SLC20A2: variants seen among roughly 807,000 people sequenced by gnomAD.
The protein encoded by SLC20A2 is sodium-dependent phosphate transporter 2.
In SLC20A2, 30 loss-of-function variants were observed where a neutral mutation model predicts 61.0. The observed-to-expected ratio is 0.49, with a 90% CI of 0.37 to 0.67. The LOEUF (loss-of-function observed/expected upper bound fraction) is 0.67, where lower values mean the gene tolerates loss of function less well. SLC20A2 is among the 30% of genes least tolerant of loss of function. SLC20A2 has a pLI of 0.00. For missense variants in SLC20A2, 626 were observed against 866.4 expected, an observed-to-expected ratio of 0.72 and a Z score of 3.48; for synonymous variants, 351 against 353.3, an observed-to-expected ratio of 0.99 and a Z score of 0.07.
In SLC20A2 at chr8:42,478,208, T is replaced by C. The variant is rs553493816; in HGVS notation, c.-264-5554A>G. Among the ~76,000 whole-genome samples, 130 of 132,956 alleles carry C rather than the reference T, an allele frequency of 9.8e-4. No homozygotes were observed. The South Asian group carries it at 0.012, about 12-fold the overall frequency. 87.2% of individuals were successfully genotyped at this position (132,956 alleles called of 152,430 possible). On this transcript the variant is annotated intron_variant, in intron 1 of 10. Transcript: ENST00000520262. ...CAATTGGCAATTTCTTTTCTTTTCCTTTTCTTTTTTTTTTTTTTTTTGAGA... is the reference window on the plus strand; with the variant it reads ...CAATTGGCAATTTCTTTTCTTTTCCCTTTCTTTTTTTTTTTTTTTTTGAGA...
chr8:42,431,474 T>C (rs1218120459), intron 8 of SLC20A2, among the ~76,000 whole-genome samples: 1 of 152,220 alleles, frequency 6.6e-6, no homozygotes, highest in Non-Finnish European at 1.5e-5. Flanking sequence ...GCCATCCTCA[T>C]AGCATAAAAG....
At chr8:42,490,089 T>C (rs1563518055) in intron 1 of SLC20A2, among the ~76,000 whole-genome samples, 1 of 152,208 alleles carries the variant, frequency 6.6e-6, no homozygotes, top group Non-Finnish European at 1.5e-5. Context: ...CTTGAGTTCT[T>C]AGAAGTTCAC....
At chr8:42,470,973 CAAAA>C (rs200440771) in intron 2 of SLC20A2, 888 of 237,236 alleles carry the variant, frequency 3.7e-3, no homozygotes, top group East Asian at 5.0e-3. Flanking sequence ...GACTCTGTCT[CAAAA>C]AAAAAAAAAA....
chr8:42,454,649 C>T (rs1285021582), intron 5 of SLC20A2, among the ~76,000 whole-genome samples: 9 of 150,922 alleles, frequency 6.0e-5, no homozygotes, highest in Admixed American at 2.0e-4. Flanking sequence ...GACAGGGCCT[C>T]GCTTTGTCAT....
chr8:42,463,110 ATCT>A lies in SLC20A2; in HGVS notation c.431-23_431-21del. ...AAGCAACTGAATAATTAAAAAAAAA[ATCT>A]AATGAATGTTAAAATTCATTCATAA... On this transcript the variant is annotated intron_variant, in intron 3 of 10. Transcript: ENST00000520262. 2.2e-6 allele frequency: 3 copies of A among 1,381,228 alleles called. No individual in the cohort carries two copies. The highest frequency in any genetic ancestry group is 3.0e-6 in the Non-Finnish European group (3 of 993,266). 85.6% of individuals were successfully genotyped at this position (1,381,228 alleles called of 1,614,324 possible).
intron 5 of SLC20A2, among the ~76,000 whole-genome samples, chr8:42,455,887 G>A (rs1046713554): frequency 2.6e-5 from 4 of 152,076 alleles, no homozygotes; most frequent in African/African-American, 9.7e-5. Flanking sequence ...GTAAAATGAG[G>A]TTATTTGTAT....
Position 42,465,051 on chromosome 8 carries a change from C to T in SLC20A2, c.430+726G>A, listed in dbSNP as rs916391642. Among the ~76,000 whole-genome samples, 2 of 151,998 alleles carry T rather than the reference C, an allele frequency of 1.3e-5. 1 individual carries two copies. The highest frequency in any genetic ancestry group is 2.9e-5 in the Non-Finnish European group (2 of 67,984). The stretch of plus-strand genomic sequence containing the variant: ...AGGAATTTTAAGGGAAAATATATTA[C>T]TCATACCATCTACGTCTTTTTTTTG... On this transcript the variant is annotated intron_variant, in intron 3 of 10. Coordinates refer to ENST00000520262, the MANE Select transcript of SLC20A2 (RefSeq NM_001257180.2).
intron 1 of SLC20A2, among the ~76,000 whole-genome samples, chr8:42,489,166 T>C (rs934518066): frequency 6.6e-6 from 1 of 152,144 alleles, no homozygotes; most frequent in African/African-American, 2.4e-5. Flanking sequence ...CTCGAACTCC[T>C]GACTTCGGGT....
intron 5 of SLC20A2, among the ~76,000 whole-genome samples, chr8:42,452,462 GAGA>G (rs1424143458): frequency 1.3e-5 from 2 of 148,746 alleles, no homozygotes; most frequent in Admixed American, 6.7e-5. Context: ...GGAAGAGATG[GAGA>G]AGGAGGAAGG....
At chr8:42,526,054 A>T (rs1274550877) in intron 1 of SLC20A2, among the ~76,000 whole-genome samples, 1 of 152,230 alleles carries the variant, frequency 6.6e-6, no homozygotes, top group Non-Finnish European at 1.5e-5. Context: ...CCACTCCTGA[A>T]GCGTGGGCTG....
chr8:42,445,954 A>C (rs1031341419), intron 5 of SLC20A2, among the ~76,000 whole-genome samples: 1 of 152,124 alleles, frequency 6.6e-6, no homozygotes, highest in Non-Finnish European at 1.5e-5. Context: ...GAGAAATAAA[A>C]GGATTTTTGT....
chr8:42,445,897 C>T (rs572851172), intron 5 of SLC20A2, among the ~76,000 whole-genome samples: 10 of 152,230 alleles, frequency 6.6e-5, no homozygotes, highest in East Asian at 1.9e-4. Flanking sequence ...CTACTTTAAA[C>T]GGACATGTGC....
At position 42,455,358 on chromosome 8, in the gene SLC20A2, G is replaced by A. The variant is rs142266159; in HGVS notation, c.613+4538C>T. Among the ~76,000 whole-genome samples the A allele has an allele frequency of 1.8e-4, 26 of 146,328 alleles. No homozygotes were observed. The East Asian group carries it at 3.2e-3, about 18-fold the overall frequency. ...CATTTTAAAGAGAGTTAAGAGAAGA[G>A]AAATAATTTGTTAAGGTTGAGGCTG... is the stretch of plus-strand genomic sequence containing the variant. On this transcript the variant is annotated intron_variant, in intron 5 of 10. Transcript: ENST00000520262.
At chr8:42,518,161 C>T (rs1354838142) in intron 1 of SLC20A2, among the ~76,000 whole-genome samples, 1 of 151,826 alleles carries the variant, frequency 6.6e-6, no homozygotes, top group African/African-American at 2.4e-5. Flanking sequence ...AGGATGGTCT[C>T]GATCTCCTGA....
At chr8:42,521,747 C>T (rs1389934184) in intron 1 of SLC20A2, among the ~76,000 whole-genome samples, 3 of 121,400 alleles carry the variant, frequency 2.5e-5, no homozygotes, top group African/African-American at 7.6e-5. Context: ...GCCTCAGCCT[C>T]CCAAAAGGCT....
chr8:42,532,907 G>A (rs1421882870), intron 1 of SLC20A2, among the ~76,000 whole-genome samples: 1 of 152,134 alleles, frequency 6.6e-6, no homozygotes, highest in Non-Finnish European at 1.5e-5. Flanking sequence ...GCACACCCAA[G>A]TCCACAGAGG....
intron 4 of SLC20A2, among the ~76,000 whole-genome samples, chr8:42,462,593 TAA>T (rs370613700): frequency 7.7e-5 from 11 of 142,216 alleles, no homozygotes; most frequent in Admixed American, 2.1e-4. Context: ...CTCTCTCCAT[TAA>T]AAAAAAAAAA....
intron 1 of SLC20A2, among the ~76,000 whole-genome samples, chr8:42,500,115 T>C (rs574976615): frequency 6.6e-6 from 1 of 152,378 alleles, no homozygotes; most frequent in East Asian, 1.9e-4. Context: ...CAGGCATAGA[T>C]AGCTGGTGAG....
At chr8:42,425,310 T>C (rs1021231641) in intron 10 of SLC20A2, among the ~76,000 whole-genome samples, 5 of 152,202 alleles carry the variant, frequency 3.3e-5, no homozygotes, top group African/African-American at 1.2e-4. Flanking sequence ...CCTTTCAATG[T>C]TTCCAGATTC....
Sources: gnomAD v4.1 joint callset for allele counts (sites outside exome capture counted in the v4.1 genomes callset) on GRCh38, gnomAD v4.1.1 for gene constraint, MANE v1.5 for transcripts, NCBI Gene and HGNC (gene_info 2026-07-23, HGNC 2026-07-21) for gene names.